PTPRD: variants seen among roughly 807,000 people sequenced by gnomAD.
The protein encoded by PTPRD is receptor-type tyrosine-protein phosphatase delta.
A neutral mutation model predicts 214.5 loss-of-function variants in PTPRD; 34 were observed. The observed-to-expected ratio is 0.16, with a 90% CI of 0.12 to 0.21. PTPRD has a LOEUF of 0.21. Ranked by LOEUF, PTPRD falls within the 10% of genes least tolerant of loss-of-function variation. PTPRD has a pLI of 1.00. For missense variants in PTPRD, 2,545 were observed against 2,398.7 expected (o/e 1.06, Z -1.27); for synonymous variants, 1,128 against 845.7 (o/e 1.33, Z -5.79).
At chr9:9,314,555 T>C (rs1191835828) in intron 9 of PTPRD, among the ~76,000 whole-genome samples, 1 of 152,110 alleles carries the variant, frequency 6.6e-6, no homozygotes, top group Non-Finnish European at 1.5e-5. Context: ...AGTAGCAGCT[T>C]AACATGTGAT....
At chr9:9,033,329 A>G (rs2099611542) in intron 10 of PTPRD, among the ~76,000 whole-genome samples, 1 of 152,106 alleles carries the variant, frequency 6.6e-6, no homozygotes, top group Non-Finnish European at 1.5e-5. Flanking sequence ...ACACAGGCCT[A>G]AGAATTAGCT....
intron 11 of PTPRD, among the ~76,000 whole-genome samples, chr9:8,759,611 A>ATT (rs2094271355): frequency 9.1e-6 from 1 of 110,408 alleles, no homozygotes; most frequent in African/African-American, 3.1e-5. Context: ...TTCCTGTTAC[A>ATT]TTTCTTTTTT....
At chr9:8,589,316 T>A (rs996744167) in intron 14 of PTPRD, among the ~76,000 whole-genome samples, 1 of 152,162 alleles carries the variant, frequency 6.6e-6, no homozygotes, top group Non-Finnish European at 1.5e-5. Context: ...AAGTCACATC[T>A]CATACAATAA....
At chr9:8,455,988 T>C (rs1424544282) in intron 33 of PTPRD, among the ~76,000 whole-genome samples, 1 of 152,196 alleles carries the variant, frequency 6.6e-6, no homozygotes, top group African/African-American at 2.4e-5. Flanking sequence ...CTTTCACAAC[T>C]GGTAAATTTA....
chr9:10,048,212 C>T (rs1050475489), intron 3 of PTPRD, among the ~76,000 whole-genome samples: 1 of 152,112 alleles, frequency 6.6e-6, no homozygotes, highest in African/African-American at 2.4e-5. Context: ...TTGTCTTAAC[C>T]TCAGCCCTCA....
intron 9 of PTPRD, among the ~76,000 whole-genome samples, chr9:9,280,463 T>C (rs1947284787): frequency 6.6e-6 from 1 of 151,318 alleles, no homozygotes; most frequent in African/African-American, 2.4e-5. Context: ...TTATAAAAAT[T>C]AGTTACTTTT....
At chr9:8,383,863 G>A (rs936263851) in intron 37 of PTPRD, among the ~76,000 whole-genome samples, 1 of 152,142 alleles carries the variant, frequency 6.6e-6, no homozygotes, top group Non-Finnish European at 1.5e-5. Flanking sequence ...AGCTGGTGAG[G>A]TGAAGTAAAA....
chr9:9,105,065 T>A (rs544482360), intron 10 of PTPRD, among the ~76,000 whole-genome samples: 1 of 152,324 alleles, frequency 6.6e-6, no homozygotes, highest in African/African-American at 2.4e-5. Flanking sequence ...ACATATCCTA[T>A]TTATTTATGC....
intron 2 of PTPRD, among the ~76,000 whole-genome samples, chr9:10,384,227 C>T (rs1046236164): frequency 1.3e-5 from 2 of 151,664 alleles, no homozygotes; most frequent in African/African-American, 2.4e-5. Flanking sequence ...AATGGATATA[C>T]TATTTCACAT....
chr9:9,394,529 AAT>A (rs2067023343), intron 9 of PTPRD, among the ~76,000 whole-genome samples: 1 of 152,134 alleles, frequency 6.6e-6, no homozygotes, highest in Non-Finnish European at 1.5e-5. Flanking sequence ...TTAGCAATTT[AAT>A]ATTTTTGTGC....
intron 3 of PTPRD, among the ~76,000 whole-genome samples, chr9:10,309,658 C>G (rs1449536758): frequency 6.6e-6 from 1 of 151,926 alleles, no homozygotes; most frequent in African/African-American, 2.4e-5. Flanking sequence ...AACCACCACA[C>G]CTGGCGCCAA....
intron 8 of PTPRD, among the ~76,000 whole-genome samples, chr9:9,555,390 G>A (rs1196130141): frequency 6.6e-6 from 1 of 152,054 alleles, no homozygotes; most frequent in East Asian, 1.9e-4. Flanking sequence ...AAGGGAGAAA[G>A]CTGGTGTTTA....
rs574060591 is a variant in PTPRD, at chr9:9,482,571, C to T, written c.-236-85089G>A. Among the ~76,000 whole-genome samples, 13 of 152,254 alleles carry T rather than the reference C, an allele frequency of 8.5e-5. No homozygotes were observed. In the East Asian group the frequency reaches 1.9e-3, roughly 23 times the overall value. On this transcript the variant is annotated intron_variant, in intron 8 of 45. Coordinates refer to ENST00000381196, the MANE Select transcript of PTPRD (RefSeq NM_002839.4). ...AAGCCAAAGAAGCATCACAAGTAAG[C>T]ACACATTATCTTGTACCAGCACTAC...
intron 2 of PTPRD, among the ~76,000 whole-genome samples, chr9:10,384,431 A>G (rs181967743): frequency 1.3e-5 from 2 of 151,906 alleles, no homozygotes; most frequent in African/African-American, 4.8e-5. Context: ...ATGATCAAAA[A>G]TAATAAAAAA....
chr9:9,029,829 C>T (rs1005527014), intron 10 of PTPRD, among the ~76,000 whole-genome samples: 7 of 151,626 alleles, frequency 4.6e-5, no homozygotes, highest in Non-Finnish European at 8.8e-5. Flanking sequence ...CTTAAGACTT[C>T]GGTAAAATGG....
rs530207641 is a variant in PTPRD, at chr9:10,401,478, A to G, written c.-599-60461T>C. Among the ~76,000 whole-genome samples, 29 of 151,110 alleles carry G rather than the reference A, an allele frequency of 1.9e-4. No individual in the cohort carries two copies. In the East Asian group the frequency reaches 5.4e-3, roughly 28 times the overall value. On this transcript the variant is annotated intron_variant, in intron 2 of 45. Coordinates refer to ENST00000381196, the MANE Select transcript of PTPRD (RefSeq NM_002839.4). ...GTTCCTATGGCAAAAGGTATTAGAT[A>G]TGAAAATGGTGTATGGCCTTCCAAA...
chr9:9,070,332 C>T (rs547850969), intron 10 of PTPRD, among the ~76,000 whole-genome samples: 9 of 152,158 alleles, frequency 5.9e-5, no homozygotes, highest in African/African-American at 1.7e-4. Flanking sequence ...TGCTATTTTC[C>T]TTTCATTCCA....
In PTPRD at chr9:8,333,448, C is replaced by T. The variant is rs185885544; in HGVS notation, c.5380-1712G>A. ...TTCAACCCAGAATTGCATATCCAGC[C>T]AAATTAAGCTTCATAAGCAAAGGAG... On this transcript the variant is annotated intron_variant, in intron 43 of 45. Transcript: ENST00000381196. Among the ~76,000 whole-genome samples, 9 of 152,252 alleles carry T rather than the reference C, an allele frequency of 5.9e-5. No homozygotes were observed. The East Asian group carries it at 1.7e-3, about 29-fold the overall frequency.
intron 4 of PTPRD, among the ~76,000 whole-genome samples, chr9:9,998,967 C>T (rs1322916725): frequency 3.3e-5 from 5 of 151,934 alleles, no homozygotes; most frequent in Non-Finnish European, 7.4e-5. Flanking sequence ...TAAGAAATAG[C>T]AGGGATGCAT....
Sources: allele counts gnomAD v4.1 joint callset (sites outside exome capture counted in the v4.1 genomes callset), GRCh38; gene constraint gnomAD v4.1.1; transcripts MANE v1.5; gene names NCBI Gene and HGNC (gene_info 2026-07-23, HGNC 2026-07-21).